The following SMCO4 variants were observed in gnomAD, a reference collection of about 807,000 sequenced individuals.
SMCO4 encodes the protein single-pass membrane protein with coiled-coil domains 4.
A neutral mutation model predicts 3.6 loss-of-function variants in SMCO4; 4 were observed. The ratio of observed to expected loss-of-function variants is 1.11; its 90% confidence interval spans 0.54 to 2.53. The LOEUF is 2.53. Ranked by LOEUF, SMCO4 falls within the 30% of genes most tolerant of loss-of-function variation. The pLI, the probability that SMCO4 is intolerant of heterozygous loss-of-function variation, is 0.02. For synonymous variants in SMCO4, 36 were observed against 35.3 expected (o/e 1.02, Z -0.07); for missense variants, 70 against 80.8 (o/e 0.87, Z 0.51).
intron 1 of SMCO4, among the ~76,000 whole-genome samples, chr11:93,533,968 C>T (rs1216063883): frequency 1.3e-5 from 2 of 152,050 alleles, no homozygotes; most frequent in East Asian, 3.9e-4. Flanking sequence ...GGGCAGATCA[C>T]TTTAAGTCCA....
At chr11:93,526,463 CA>C (rs1430489598) in intron 1 of SMCO4, among the ~76,000 whole-genome samples, 1 of 152,078 alleles carries the variant, frequency 6.6e-6, no homozygotes, top group Non-Finnish European at 1.5e-5. Context: ...GGACAAATTC[CA>C]GTGAAATCCT....
intron 1 of SMCO4, among the ~76,000 whole-genome samples, chr11:93,535,024 T>C (rs1949205869): frequency 6.6e-6 from 1 of 152,142 alleles, no homozygotes; most frequent in African/African-American, 2.4e-5. Context: ...GAAGCAACAG[T>C]GCCTGATTTT....
intron 2 of SMCO4, among the ~76,000 whole-genome samples, chr11:93,492,682 AAAGGCCAC>A (rs1948732287): frequency 6.6e-6 from 1 of 152,306 alleles, no homozygotes; most frequent in Non-Finnish European, 1.5e-5. Flanking sequence ...CATGGAGGGC[AAAGGCCAC>A]AAGGCAGGAG....
chr11:93,489,195 G>A (rs1016643553), intron 2 of SMCO4, among the ~76,000 whole-genome samples: 4 of 152,204 alleles, frequency 2.6e-5, no homozygotes, highest in African/African-American at 7.2e-5. Flanking sequence ...CCTCAGGCAG[G>A]TTACTTAATC....
chr11:93,506,023 T>C (rs1948896921), intron 1 of SMCO4, among the ~76,000 whole-genome samples: 1 of 152,040 alleles, frequency 6.6e-6, no homozygotes, highest in Non-Finnish European at 1.5e-5. Flanking sequence ...TGCACACGAT[T>C]ATAACCAGAA....
chr11:93,527,204 G>A (rs1324932549), intron 1 of SMCO4, among the ~76,000 whole-genome samples: 1 of 152,152 alleles, frequency 6.6e-6, no homozygotes, highest in Non-Finnish European at 1.5e-5. Context: ...CTGTCAAATG[G>A]TGGGCAGAGG....
chr11:93,549,679 G>C, the SMCO4 span, among the ~76,000 whole-genome samples: 1 of 150,440 alleles, frequency 6.6e-6, no homozygotes, highest in Non-Finnish European at 1.5e-5. Context: ...GGCTGTTCTT[G>C]AACTCCTGGG....
intron 2 of SMCO4, among the ~76,000 whole-genome samples, chr11:93,494,227 G>C (rs145289621): frequency 2.8e-4 from 42 of 152,342 alleles, no homozygotes; most frequent in African/African-American, 9.9e-4. Flanking sequence ...GTGGGAGACA[G>C]AGACATCTTT....
At chr11:93,550,828 A>G in the SMCO4 span, among the ~76,000 whole-genome samples, 1 of 152,204 alleles carries the variant, frequency 6.6e-6, no homozygotes, top group Admixed American at 6.5e-5. Context: ...TTAAATCCCA[A>G]AGTAAAAAAT....
chr11:93,510,856 T>C (rs1344438842), intron 1 of SMCO4, among the ~76,000 whole-genome samples: 1 of 152,160 alleles, frequency 6.6e-6, no homozygotes, highest in Non-Finnish European at 1.5e-5. Flanking sequence ...CCAAGCACTT[T>C]GGGATGCTGA....
chr11:93,514,455 G>C (rs1948991447), intron 1 of SMCO4, among the ~76,000 whole-genome samples: 2 of 137,178 alleles, frequency 1.5e-5, no homozygotes, highest in Non-Finnish European at 3.1e-5. Flanking sequence ...CACCCTAAGT[G>C]TGTAATTCCT....
intron 1 of SMCO4, among the ~76,000 whole-genome samples, chr11:93,530,382 A>C (rs1949150700): frequency 6.6e-6 from 1 of 152,098 alleles, no homozygotes; most frequent in African/African-American, 2.4e-5. Context: ...GTAGGTGAAA[A>C]GCATACAGAA....
In SMCO4 at chr11:93,481,818, C is replaced by T. The variant is rs907910021; in HGVS notation, c.-80-2549G>A. On this transcript the variant is annotated intron_variant, in intron 2 of 2. Coordinates refer to ENST00000298966, the MANE Select transcript of SMCO4 (RefSeq NM_020179.3). ...TTGTGGAGCTAATGGCCTGTCGGAG[C>T]CCGCTGCTGTCTCTCCCAAATTCCT... Among the ~76,000 whole-genome samples the T allele has an allele frequency of 3.3e-5, 5 of 152,344 alleles. No homozygotes were observed. The South Asian group carries it at 1.0e-3, about 32-fold the overall frequency.
At chr11:93,528,794 A>G (rs1949136094) in intron 1 of SMCO4, among the ~76,000 whole-genome samples, 1 of 152,180 alleles carries the variant, frequency 6.6e-6, no homozygotes, top group African/African-American at 2.4e-5. Flanking sequence ...TCAGAACTTA[A>G]TGTTCCAGTA....
chr11:93,497,317 A>G (rs903774744), intron 2 of SMCO4, among the ~76,000 whole-genome samples: 1 of 152,252 alleles, frequency 6.6e-6, no homozygotes, highest in East Asian at 1.9e-4. Context: ...GCGAAAGAAC[A>G]TCATCAGATA....
intron 1 of SMCO4, chr11:93,535,581 A>G: frequency 1.3e-6 from 2 of 1,526,730 alleles, no homozygotes; most frequent in Non-Finnish European, 1.8e-6. Context: ...GTCGAACCAA[A>G]TCCATTCCAA....
chr11:93,527,700 A>G (rs1949121792), intron 1 of SMCO4, among the ~76,000 whole-genome samples: 1 of 152,176 alleles, frequency 6.6e-6, no homozygotes, highest in Non-Finnish European at 1.5e-5. Flanking sequence ...GGCTCAAGTG[A>G]TCCTCCTGCC....
chr11:93,486,766 G>A (rs1042873911), intron 2 of SMCO4, among the ~76,000 whole-genome samples: 5 of 152,062 alleles, frequency 3.3e-5, no homozygotes, highest in Non-Finnish European at 4.4e-5. Context: ...GTACACTAAC[G>A]CCCATTACAC....
intron 2 of SMCO4, among the ~76,000 whole-genome samples, chr11:93,487,000 C>T (rs1175257456): frequency 6.6e-6 from 1 of 152,198 alleles, no homozygotes; most frequent in Non-Finnish European, 1.5e-5. Context: ...GAAAGCTCCA[C>T]CATCTCTTCT....
Sources: gnomAD v4.1 joint callset for allele counts (sites outside exome capture counted in the v4.1 genomes callset) on GRCh38, gnomAD v4.1.1 for gene constraint, MANE v1.5 for transcripts, NCBI Gene and HGNC (gene_info 2026-07-23, HGNC 2026-07-21) for gene names.